The following CRIM1 variants were observed in gnomAD, a reference collection of about 807,000 sequenced individuals.
The protein encoded by CRIM1 is cysteine-rich motor neuron 1 protein.
A neutral mutation model predicts 116.4 loss-of-function variants in CRIM1; 32 were observed. The observed-to-expected ratio is 0.27, with a 90% CI of 0.21 to 0.37. The LOEUF (loss-of-function observed/expected upper bound fraction) is 0.37, where lower values mean the gene tolerates loss of function less well. Among genes scored for constraint, CRIM1 ranks in the 10% least tolerant of loss-of-function variants. CRIM1 has a pLI of 1.00. For synonymous variants in CRIM1, 590 were observed against 509.2 expected, an observed-to-expected ratio of 1.16 and a Z score of -2.13; for missense variants, 1,331 against 1,354.8, an observed-to-expected ratio of 0.98 and a Z score of 0.28.
intron 13 of CRIM1, among the ~76,000 whole-genome samples, chr2:36,524,849 A>G (rs1665647285): frequency 6.6e-6 from 1 of 152,014 alleles, no homozygotes; most frequent in Non-Finnish European, 1.5e-5. Flanking sequence ...TTCTATTCCA[A>G]TTCCTGCATC....
At chr2:36,461,761 C>T (rs755998943) in intron 4 of CRIM1, among the ~76,000 whole-genome samples, 6 of 152,092 alleles carry the variant, frequency 3.9e-5, no homozygotes, top group Non-Finnish European at 7.3e-5. Context: ...TGTAAACATA[C>T]CTGTTAAAAG....
chr2:36,475,712 G>A (rs1270180130), intron 5 of CRIM1, among the ~76,000 whole-genome samples: 1 of 152,168 alleles, frequency 6.6e-6, no homozygotes, highest in Non-Finnish European at 1.5e-5. Flanking sequence ...GTTAGCTGTA[G>A]GACTTTTGAG....
chr2:36,497,769 G>T (rs1680702608), intron 7 of CRIM1, among the ~76,000 whole-genome samples: 1 of 152,206 alleles, frequency 6.6e-6, no homozygotes, highest in Admixed American at 6.5e-5. Flanking sequence ...AGTCATCGTT[G>T]CCTGCTACCT....
At chr2:36,382,630 C>T (rs1670868409) in intron 1 of CRIM1, among the ~76,000 whole-genome samples, 1 of 152,246 alleles carries the variant, frequency 6.6e-6, no homozygotes, top group African/African-American at 2.4e-5. Flanking sequence ...CATCCCTTTC[C>T]TCCACCCGAT....
intron 1 of CRIM1, among the ~76,000 whole-genome samples, chr2:36,372,917 GA>G (rs1191847937): frequency 6.6e-6 from 1 of 152,132 alleles, no homozygotes; most frequent in African/African-American, 2.4e-5. Flanking sequence ...GAACAGTGAA[GA>G]TTTAAGCAAG....
At chr2:36,542,119 A>T (rs1300529916) in intron 14 of CRIM1, among the ~76,000 whole-genome samples, 1 of 152,088 alleles carries the variant, frequency 6.6e-6, no homozygotes, top group African/African-American at 2.4e-5. Flanking sequence ...ATCAGAGCTG[A>T]ACTGAGTGGT....
intron 1 of CRIM1, among the ~76,000 whole-genome samples, chr2:36,381,525 A>G (rs554603703): frequency 1.1e-4 from 17 of 152,204 alleles, no homozygotes; most frequent in African/African-American, 4.1e-4. Context: ...GTAGGAGAGG[A>G]CAAAGGTGAT....
chr2:36,486,742 G>T (rs889181075), intron 7 of CRIM1, among the ~76,000 whole-genome samples: 2 of 152,110 alleles, frequency 1.3e-5, no homozygotes, highest in African/African-American at 4.8e-5. Flanking sequence ...TCAGACTTGG[G>T]CCTGCTAATT....
intron 2 of CRIM1, among the ~76,000 whole-genome samples, chr2:36,421,057 A>G (rs1235815196): frequency 6.6e-6 from 1 of 152,218 alleles, no homozygotes; most frequent in Non-Finnish European, 1.5e-5. Context: ...GCATTGTAAA[A>G]ACTAGTGTTT....
chr2:36,510,298 G>C (rs1184393460), intron 9 of CRIM1, among the ~76,000 whole-genome samples, 159 bp downstream of exon 9: 1 of 152,106 alleles, frequency 6.6e-6, no homozygotes, highest in Non-Finnish European at 1.5e-5. Flanking sequence ...GCAGGGAGAA[G>C]GTTGTATCTC....
intron 4 of CRIM1, among the ~76,000 whole-genome samples, chr2:36,450,132 T>A (rs778153275): frequency 6.6e-6 from 1 of 152,160 alleles, no homozygotes; most frequent in Non-Finnish European, 1.5e-5. Flanking sequence ...AGATAAGGAT[T>A]TACTCTGTTA....
At chr2:36,417,818 A>C (rs1316429414) in intron 2 of CRIM1, among the ~76,000 whole-genome samples, 1 of 152,222 alleles carries the variant, frequency 6.6e-6, no homozygotes, top group African/African-American at 2.4e-5. Flanking sequence ...GTACTTTCAT[A>C]ATTTACAGGT....
intron 14 of CRIM1, among the ~76,000 whole-genome samples, chr2:36,540,181 G>A (rs895524384): frequency 2.6e-5 from 4 of 152,158 alleles, no homozygotes; most frequent in East Asian, 1.9e-4. Context: ...TGTTAGCCAC[G>A]TAAGATGCGA....
chr2:36,391,622 G>C (rs1214020029), intron 1 of CRIM1, among the ~76,000 whole-genome samples: 1 of 152,072 alleles, frequency 6.6e-6, no homozygotes, highest in Non-Finnish European at 1.5e-5. Flanking sequence ...TTATTCCTTG[G>C]CCTAGGTGTA....
At chr2:36,408,864 A>G (rs576280448) in intron 2 of CRIM1, among the ~76,000 whole-genome samples, 3 of 152,152 alleles carry the variant, frequency 2.0e-5, no homozygotes. Flanking sequence ...ATAAACTCAC[A>G]GACAGTCAAA....
intron 8 of CRIM1, among the ~76,000 whole-genome samples, chr2:36,500,324 ACT>A (rs1680898558): frequency 6.6e-6 from 1 of 152,152 alleles, no homozygotes; most frequent in Admixed American, 6.5e-5. Context: ...AGCAAAAGAC[ACT>A]GTCTCAGAAA....
intron 14 of CRIM1, among the ~76,000 whole-genome samples, chr2:36,542,573 A>G (rs1372857111): frequency 6.6e-6 from 1 of 152,308 alleles, no homozygotes; most frequent in East Asian, 1.9e-4. Context: ...TTTACTACTT[A>G]GCCATTGACA....
intron 2 of CRIM1, among the ~76,000 whole-genome samples, chr2:36,418,641 G>T (rs1673811906): frequency 6.6e-6 from 1 of 152,114 alleles, no homozygotes; most frequent in East Asian, 1.9e-4. Flanking sequence ...GCAATGCAGA[G>T]GTGGTATAAA....
At chr2:36,403,410 A>G (rs1220567685) in intron 2 of CRIM1, among the ~76,000 whole-genome samples, 1 of 152,228 alleles carries the variant, frequency 6.6e-6, no homozygotes, top group African/African-American at 2.4e-5. Flanking sequence ...ATTGTTTTAT[A>G]TTGAGTGGAC....
Sources: allele counts gnomAD v4.1 joint callset (sites outside exome capture counted in the v4.1 genomes callset), GRCh38; gene constraint gnomAD v4.1.1; transcripts MANE v1.5; gene names NCBI Gene and HGNC (gene_info 2026-07-23, HGNC 2026-07-21).